The following GALNT18 variants were observed in gnomAD, a reference collection of about 807,000 sequenced individuals.
GALNT18 encodes the protein GalNAc-transferase 18.
A neutral mutation model predicts 69.5 loss-of-function variants in GALNT18; 44 were observed. That is an observed-to-expected ratio of 0.63 (90% CI 0.50 to 0.81). The LOEUF (loss-of-function observed/expected upper bound fraction) is 0.81. Among genes scored for constraint, GALNT18 ranks in the 40% least tolerant of loss-of-function variants. The pLI is 0.00. For missense variants in GALNT18, 715 were observed against 810.0 expected (o/e 0.88, Z 1.42); for synonymous variants, 364 against 318.2 (o/e 1.14, Z -1.53).
intron 1 of GALNT18, among the ~76,000 whole-genome samples, chr11:11,455,035 C>T (rs1284133897): frequency 6.6e-6 from 1 of 152,200 alleles, no homozygotes; most frequent in Non-Finnish European, 1.5e-5. Context: ...TCCTGCCCAT[C>T]CCCAGGGTGC....
In GALNT18 at chr11:11,543,046, G is replaced by A. The variant is rs1053088520; in HGVS notation, c.235+78313C>T. On this transcript the variant is annotated intron_variant, in intron 1 of 10. Coordinates refer to ENST00000227756, the MANE Select transcript of GALNT18 (RefSeq NM_198516.3). This position sits in a 1 kb window ranked among gnomAD's most constrained non-coding sequence, Gnocchi z 5.1. ...CTCAAGGTTGTTTCAGGCACTAAAT[G>A]CACCAGTGTGTCTAAAGTATTTGGG... is the stretch of plus-strand genomic sequence containing the variant. 9.2e-5 allele frequency among the ~76,000 whole-genome samples: 14 copies of A among 152,172 alleles called. No homozygotes were observed. Among genetic ancestry groups the A allele is most frequent in the African/African-American group, 3.4e-4 (14 of 41,434 alleles).
In GALNT18 at chr11:11,377,065, G is replaced by T; in HGVS notation, c.977+117C>A. ...TCAGACTGCAGTTCCTTTCGACCCT[G>T]CCCACCCCTGTCATCCCCACGATGG... is the stretch of plus-strand genomic sequence containing the variant. On this transcript the variant is annotated intron_variant, in intron 5 of 10. Transcript: ENST00000227756. This position sits in a 1 kb window ranked among gnomAD's most constrained non-coding sequence, Gnocchi z 4.6. The T allele has an allele frequency of 2.2e-6, 2 of 910,268 alleles. No individual in the cohort carries two copies. The highest frequency in any genetic ancestry group is 2.1e-5 in the Admixed American group (1 of 48,398). The allele number at this position is 910,268 out of a possible 1,614,324, so 56.4% of individuals were successfully genotyped here. A position where few individuals can be genotyped will look rare whatever the true frequency, so the allele number is the denominator to read the frequency against.
intron 3 of GALNT18, among the ~76,000 whole-genome samples, chr11:11,386,453 C>A (rs1184547162): frequency 6.6e-6 from 1 of 152,154 alleles, no homozygotes; most frequent in Non-Finnish European, 1.5e-5. Context: ...TTCCAAGTCA[C>A]CAAGGGCCCC....
At chr11:11,512,263 C>A (rs956979533) in intron 1 of GALNT18, among the ~76,000 whole-genome samples, 2 of 152,218 alleles carry the variant, frequency 1.3e-5, no homozygotes, top group Admixed American at 1.3e-4. Flanking sequence ...TGACCTCACA[C>A]ACAGTGTGGA....
At chr11:11,443,555 G>A (rs528458206) in intron 2 of GALNT18, among the ~76,000 whole-genome samples, 15 of 152,110 alleles carry the variant, frequency 9.9e-5, no homozygotes, top group South Asian at 4.2e-4. Context: ...GGTGGACACC[G>A]AGAGGCAGGA....
At chr11:11,551,247 C>T (rs1858180860) in intron 1 of GALNT18, among the ~76,000 whole-genome samples, 1 of 152,132 alleles carries the variant, frequency 6.6e-6, no homozygotes, top group South Asian at 2.1e-4. Context: ...AAAGTTGCTA[C>T]CCATTTATAT....
chr11:11,508,494 T>C (rs1477075570), intron 1 of GALNT18, among the ~76,000 whole-genome samples: 3 of 152,248 alleles, frequency 2.0e-5, no homozygotes, highest in Non-Finnish European at 4.4e-5. Flanking sequence ...TATTTCTCCA[T>C]CGTAAAAGTA....
chr11:11,460,755 G>A (rs144237449), intron 1 of GALNT18, among the ~76,000 whole-genome samples: 59 of 148,308 alleles, frequency 4.0e-4, no homozygotes, highest in Non-Finnish European at 6.4e-4. Context: ...TTCGGTGTTG[G>A]TATTTGGCTA....
chr11:11,280,507 G>C (rs1225298926), intron 10 of GALNT18, among the ~76,000 whole-genome samples: 1 of 151,948 alleles, frequency 6.6e-6, no homozygotes, highest in South Asian at 2.1e-4. Flanking sequence ...CTTGTCTTGA[G>C]CTCCCCTGAG....
chr11:11,375,468 T>G (rs1853724647), intron 5 of GALNT18, among the ~76,000 whole-genome samples: 1 of 152,184 alleles, frequency 6.6e-6, no homozygotes, highest in Admixed American at 6.5e-5. Context: ...GAATGCTCAT[T>G]GCATGGGGGC....
intron 1 of GALNT18, among the ~76,000 whole-genome samples, chr11:11,579,557 G>A (rs866319014): frequency 5.3e-5 from 8 of 152,150 alleles, no homozygotes; most frequent in East Asian, 1.9e-4. Context: ...CTGGAACCCC[G>A]CCAGGGTACC....
chr11:11,360,562 C>CT (rs1173754215), intron 6 of GALNT18, among the ~76,000 whole-genome samples: 3 of 152,012 alleles, frequency 2.0e-5, no homozygotes, highest in Non-Finnish European at 4.4e-5. Flanking sequence ...GGGGTTAACA[C>CT]TTTTTTGCAT....
intron 6 of GALNT18, among the ~76,000 whole-genome samples, chr11:11,349,927 G>T (rs925474068): frequency 6.7e-6 from 1 of 148,558 alleles, no homozygotes; most frequent in Admixed American, 6.9e-5. Context: ...GTGTGGAATT[G>T]CTGCTTGGAA....
chr11:11,560,165 G>GAATAGAATGAGATAC (rs1858467121), intron 1 of GALNT18, among the ~76,000 whole-genome samples: 1 of 149,014 alleles, frequency 6.7e-6, no homozygotes, highest in Non-Finnish European at 1.5e-5. Context: ...GGGATGTATG[G>GAATAGAATGAGATAC]GATGGGATAG....
chr11:11,384,589 T>C (rs1333336041), intron 3 of GALNT18, among the ~76,000 whole-genome samples: 1 of 152,160 alleles, frequency 6.6e-6, no homozygotes, highest in Non-Finnish European at 1.5e-5. Context: ...GGGGAAATAC[T>C]CAAACCACAG....
At chr11:11,346,083 C>T (rs911186283) in intron 6 of GALNT18, among the ~76,000 whole-genome samples, 4 of 152,348 alleles carry the variant, frequency 2.6e-5, no homozygotes, top group Middle Eastern at 3.4e-3. Context: ...AGCTCAAATA[C>T]GACCTCTTTT....
rs1013326114 is a variant in GALNT18, at chr11:11,564,858, T to C, written c.235+56501A>G. On this transcript the variant is annotated intron_variant, in intron 1 of 10. Coordinates refer to ENST00000227756, the MANE Select transcript of GALNT18 (RefSeq NM_198516.3). The surrounding 1 kb of genome is among the most constrained non-coding windows in gnomAD (Gnocchi z 4.3). Reference sequence around the variant, plus strand: ...TAGCTACATTTCAAGTGTTCATAAGTGGCCTGTGTCTGCTCGATACCATAG... The same window carrying C: ...TAGCTACATTTCAAGTGTTCATAAGCGGCCTGTGTCTGCTCGATACCATAG... Among the ~76,000 whole-genome samples the C allele has an allele frequency of 3.3e-5, 5 of 152,210 alleles. No homozygotes were observed. The highest frequency in any genetic ancestry group is 9.7e-5 in the African/African-American group (4 of 41,446).
rs1202571228 is a variant in GALNT18 at position 11,490,222 on chromosome 11, CTCTCTCTCTCTA to C, written c.236-41298_236-41287del. ...TCATTCTCTCTCTCTCTCTCTCTCT[CTCTCTCTCTCTA>C]ACACACACACACACACACACACACA... On this transcript the variant is annotated intron_variant, in intron 1 of 10. Coordinates refer to ENST00000227756, the MANE Select transcript of GALNT18 (RefSeq NM_198516.3). Among the ~76,000 whole-genome samples, 237 of 61,882 alleles carry C rather than the reference CTCTCTCTCTCTA, an allele frequency of 3.8e-3. 2 individuals carry two copies. The highest frequency in any genetic ancestry group is 0.013 in the African/African-American group (223 of 17,742). 40.6% of individuals were successfully genotyped at this position (61,882 alleles called of 152,430 possible). A position where few individuals can be genotyped will look rare whatever the true frequency, so the allele number is the denominator to read the frequency against.
chr11:11,401,964 T>G (rs759584126), intron 3 of GALNT18, among the ~76,000 whole-genome samples: 1 of 152,224 alleles, frequency 6.6e-6, no homozygotes, highest in African/African-American at 2.4e-5. Context: ...GCACTGGCAT[T>G]TTGGCTGGGC....
Sources: gnomAD v4.1 joint callset for allele counts (sites outside exome capture counted in the v4.1 genomes callset) on GRCh38, gnomAD v4.1.1 for gene constraint, Gnocchi (gnomAD v3.1) non-coding constraint, MANE v1.5 for transcripts, NCBI Gene and HGNC (gene_info 2026-07-23, HGNC 2026-07-21) for gene names.